THSD7B: variants seen among roughly 807,000 people sequenced by gnomAD.
The protein encoded by THSD7B is thrombospondin type-1 domain-containing protein 7B.
In THSD7B, 138 loss-of-function variants were observed where a neutral mutation model predicts 213.6. That is an observed-to-expected ratio of 0.65 (90% CI 0.56 to 0.74). The LOEUF is 0.74. Ranked by LOEUF, THSD7B falls within the 30% of genes least tolerant of loss-of-function variation. The pLI is 0.00. For missense variants in THSD7B, 1,931 were observed against 1,991.5 expected (o/e 0.97, Z 0.58); for synonymous variants, 742 against 687.0 (o/e 1.08, Z -1.25).
intron 12 of THSD7B, among the ~76,000 whole-genome samples, chr2:137,280,865 G>C (rs1682991584): frequency 6.6e-6 from 1 of 152,138 alleles, no homozygotes; most frequent in Admixed American, 6.6e-5. Flanking sequence ...TGTAAGTGGA[G>C]TGTATTTCTC....
intron 14 of THSD7B, among the ~76,000 whole-genome samples, chr2:137,416,360 T>A (rs13400521): frequency 9.0e-4 from 137 of 152,322 alleles, no homozygotes; most frequent in Non-Finnish European, 1.5e-3. Flanking sequence ...ATGCCCTTTT[T>A]CCTCCTGTCA....
chr2:137,154,662 G>C (rs1416582529), intron 5 of THSD7B, among the ~76,000 whole-genome samples: 2 of 151,990 alleles, frequency 1.3e-5, no homozygotes, highest in African/African-American at 4.8e-5. Flanking sequence ...ATTCAAATTA[G>C]TTTGGAGTAG....
intron 17 of THSD7B, among the ~76,000 whole-genome samples, chr2:137,609,902 T>C (rs1407208869): frequency 6.6e-6 from 1 of 152,150 alleles, no homozygotes; most frequent in East Asian, 1.9e-4. Flanking sequence ...TTGTGCATTC[T>C]ACTTTGAAGA....
At chr2:137,214,839 G>C (rs1681200850) in intron 7 of THSD7B, among the ~76,000 whole-genome samples, 1 of 152,128 alleles carries the variant, frequency 6.6e-6, no homozygotes, top group African/African-American at 2.4e-5. Context: ...ATCGCTGATG[G>C]GCATTTGGGT....
intron 7 of THSD7B, among the ~76,000 whole-genome samples, chr2:137,199,757 T>C (rs972412749): frequency 1.3e-5 from 2 of 152,242 alleles, no homozygotes; most frequent in African/African-American, 2.4e-5. Context: ...AAAGTTATTG[T>C]GTATGTTCTC....
chr2:137,492,061 T>C (rs1679422381), intron 15 of THSD7B, among the ~76,000 whole-genome samples: 1 of 152,168 alleles, frequency 6.6e-6, no homozygotes, highest in Admixed American at 6.5e-5. Context: ...AGCAATCTCT[T>C]GATTAGCTCT....
chr2:137,538,086 A>G (rs929713555), intron 15 of THSD7B, among the ~76,000 whole-genome samples: 1 of 151,706 alleles, frequency 6.6e-6, no homozygotes. Flanking sequence ...AAAAATAGCA[A>G]TTCTCATGTC....
chr2:136,941,396 G>A (rs920279721), intron 2 of THSD7B, among the ~76,000 whole-genome samples: 1 of 152,104 alleles, frequency 6.6e-6, no homozygotes, highest in Admixed American at 6.5e-5. Flanking sequence ...GAGTCAAATG[G>A]TATTTCTAGT....
chr2:137,589,903 T>A (rs760839280), intron 17 of THSD7B, among the ~76,000 whole-genome samples: 18 of 152,194 alleles, frequency 1.2e-4, no homozygotes, highest in Non-Finnish European at 2.5e-4. Context: ...TCATTTATGA[T>A]TTTCGTCTTA....
chr2:137,068,435 A>ACTTCTACT (rs1202976426), intron 3 of THSD7B, among the ~76,000 whole-genome samples: 2 of 152,116 alleles, frequency 1.3e-5, no homozygotes, highest in African/African-American at 4.8e-5. Context: ...CTACTTCTGT[A>ACTTCTACT]ACTTTCATTG....
At chr2:136,915,859 A>T (rs138962790) in intron 2 of THSD7B, among the ~76,000 whole-genome samples, 1 of 152,374 alleles carries the variant, frequency 6.6e-6, no homozygotes, top group African/African-American at 2.4e-5. Context: ...CAACAAAAGG[A>T]GATATCTTCT....
chr2:137,226,620 G>A (rs1209935262), intron 7 of THSD7B, among the ~76,000 whole-genome samples: 2 of 151,692 alleles, frequency 1.3e-5, no homozygotes, highest in Non-Finnish European at 3.0e-5. Flanking sequence ...GCAGGTATTA[G>A]AAGAGTAGTG....
chr2:137,296,439 G>A (rs553036159), intron 12 of THSD7B, among the ~76,000 whole-genome samples: 1 of 152,212 alleles, frequency 6.6e-6, no homozygotes, highest in African/African-American at 2.4e-5. Flanking sequence ...TAACATACAA[G>A]TTGGTAAGGC....
Position 137,370,544 on chromosome 2 carries a change from C to G in THSD7B, c.2501-35069C>G, listed in dbSNP as rs1000180792. On this transcript the variant is annotated intron_variant, in intron 12 of 27. Coordinates refer to ENST00000409968, the MANE Select transcript of THSD7B (RefSeq NM_001316349.2). ...AATGCAGTGGCACAATCTCAGCTCA[C>G]TGCAACCTCTGCCTCCTGGGTTCGG... Among the ~76,000 whole-genome samples, 5 of 152,220 alleles carry G rather than the reference C, an allele frequency of 3.3e-5. 1 individual carries two copies. The highest frequency in any genetic ancestry group is 7.3e-5 in the Non-Finnish European group (5 of 68,034).
chr2:137,010,295 G>A (rs1258673407), intron 2 of THSD7B, among the ~76,000 whole-genome samples: 1 of 152,184 alleles, frequency 6.6e-6, no homozygotes, highest in African/African-American at 2.4e-5. Context: ...TTCCAAAATA[G>A]TAACACTATA....
chr2:137,408,451 C>G (rs59200105), intron 13 of THSD7B, among the ~76,000 whole-genome samples: 2 of 152,120 alleles, frequency 1.3e-5, no homozygotes, highest in African/African-American at 2.4e-5. Flanking sequence ...TCAGTAGACA[C>G]GATCCTAACT....
chr2:137,097,769 GACACACACACACACACACACACAC>G (rs3050089), intron 4 of THSD7B, among the ~76,000 whole-genome samples: 1 of 141,350 alleles, frequency 7.1e-6, no homozygotes, highest in East Asian at 2.0e-4. Context: ...CGCTAAGTTT[GACACACACACACACACACACACAC>G]ACACACACAC....
chr2:137,395,000 G>A (rs1193902882), intron 12 of THSD7B, among the ~76,000 whole-genome samples: 1 of 145,156 alleles, frequency 6.9e-6, no homozygotes, highest in South Asian at 2.3e-4. Flanking sequence ...TGTGATTTTT[G>A]TACATTGATT....
At chr2:137,308,023 A>G (rs967288645) in intron 12 of THSD7B, among the ~76,000 whole-genome samples, 2 of 152,014 alleles carry the variant, frequency 1.3e-5, no homozygotes, top group Admixed American at 6.6e-5. Flanking sequence ...TCCTTTATCA[A>G]TCTATCCCGA....
Sources: allele counts gnomAD v4.1 joint callset (sites outside exome capture counted in the v4.1 genomes callset), GRCh38; gene constraint gnomAD v4.1.1; transcripts MANE v1.5; gene names NCBI Gene and HGNC (gene_info 2026-07-23, HGNC 2026-07-21).